NUBPL: variants seen among roughly 807,000 people sequenced by gnomAD.
NUBPL encodes the protein iron-sulfur cluster transfer protein NUBPL.
A neutral mutation model predicts 45.7 loss-of-function variants in NUBPL; 31 were observed. That is an observed-to-expected ratio of 0.68 (90% CI 0.51 to 0.92). The LOEUF is 0.92. NUBPL is among the 40% of genes least tolerant of loss of function. The pLI, the probability that NUBPL is intolerant of heterozygous loss-of-function variation, is 0.00. For missense variants in NUBPL, 401 were observed against 398.7 expected, an observed-to-expected ratio of 1.01 and a Z score of -0.05; for synonymous variants, 144 against 140.9, an observed-to-expected ratio of 1.02 and a Z score of -0.15.
Position 31,749,554 on chromosome 14 carries a change from G to T in NUBPL, c.514-38226G>T, listed in dbSNP as rs147368762. Among the ~76,000 whole-genome samples the T allele has an allele frequency of 2.3e-3, 353 of 152,270 alleles. 1 individual carries two copies. The highest frequency in any genetic ancestry group is 8.1e-3 in the African/African-American group (337 of 41,566). On this transcript the variant is annotated intron_variant, in intron 6 of 10. Coordinates refer to ENST00000281081, the MANE Select transcript of NUBPL (RefSeq NM_025152.3). ...TTCTGGTGGGTGAGCTTTCTTCTGAGAAATCTTCTGGTGGTTTAATGACAA... is the reference window on the plus strand; with the variant it reads ...TTCTGGTGGGTGAGCTTTCTTCTGATAAATCTTCTGGTGGTTTAATGACAA...
intron 10 of NUBPL, among the ~76,000 whole-genome samples, chr14:31,851,456 T>C (rs1318273594): frequency 6.6e-6 from 1 of 152,200 alleles, no homozygotes; most frequent in African/African-American, 2.4e-5. Flanking sequence ...ATCTGTTTTC[T>C]GCGTTTAGAG....
chr14:31,809,125 G>A (rs535536097), intron 7 of NUBPL, among the ~76,000 whole-genome samples: 1 of 152,276 alleles, frequency 6.6e-6, no homozygotes, highest in African/African-American at 2.4e-5. Flanking sequence ...GATGATGCTG[G>A]CCTCATAAAA....
At chr14:31,626,466 A>T (rs1398313068) in intron 4 of NUBPL, among the ~76,000 whole-genome samples, 1 of 152,190 alleles carries the variant, frequency 6.6e-6, no homozygotes, top group Non-Finnish European at 1.5e-5. Flanking sequence ...AATGTGCCTC[A>T]CAGACATATA....
At chr14:31,692,797 G>GA (rs1023679452) in intron 6 of NUBPL, among the ~76,000 whole-genome samples, 10 of 152,120 alleles carry the variant, frequency 6.6e-5, no homozygotes, top group South Asian at 6.2e-4. Flanking sequence ...TGTATAAAAT[G>GA]AAAAAAAGAA....
chr14:31,708,333 C>G (rs939970481), intron 6 of NUBPL, among the ~76,000 whole-genome samples: 4 of 152,134 alleles, frequency 2.6e-5, no homozygotes, highest in African/African-American at 9.7e-5. Context: ...GTCTTTTAGC[C>G]TGATTTGGAC....
rs533770831 is a variant in NUBPL at position 31,842,297 on chromosome 14, C to T, written c.694-4174C>T. Among the ~76,000 whole-genome samples, 36 of 151,644 alleles carry T rather than the reference C, an allele frequency of 2.4e-4. 1 individual carries two copies. The highest frequency in any genetic ancestry group is 6.8e-4 in the African/African-American group (28 of 41,334). Reference sequence around the variant, plus strand: ...CAAGCAAAGTGGTATATGTGTGGGACGTTCTTAAGATGAGGAAATTCTAGA... The same window carrying T: ...CAAGCAAAGTGGTATATGTGTGGGATGTTCTTAAGATGAGGAAATTCTAGA... On this transcript the variant is annotated intron_variant, in intron 8 of 10. Coordinates refer to ENST00000281081, the MANE Select transcript of NUBPL (RefSeq NM_025152.3).
chr14:31,712,300 A>G (rs2037591605), intron 6 of NUBPL, among the ~76,000 whole-genome samples: 1 of 152,222 alleles, frequency 6.6e-6, no homozygotes, highest in African/African-American at 2.4e-5. Context: ...CACCCAACCC[A>G]GAAGCCCAGA....
chr14:31,694,704 CG>C (rs1263228611), intron 6 of NUBPL, among the ~76,000 whole-genome samples: 2 of 152,044 alleles, frequency 1.3e-5, no homozygotes, highest in Non-Finnish European at 2.9e-5. Flanking sequence ...TTAGTAGAGA[CG>C]GGGTTTCACC....
chr14:31,578,449 A>C (rs1273580715), intron 3 of NUBPL, among the ~76,000 whole-genome samples: 1 of 152,144 alleles, frequency 6.6e-6, no homozygotes, highest in Non-Finnish European at 1.5e-5. Flanking sequence ...GGAATGTGTG[A>C]TGGTTCACTT....
intron 4 of NUBPL, among the ~76,000 whole-genome samples, chr14:31,640,537 C>T (rs1021454048): frequency 6.6e-6 from 1 of 150,698 alleles, no homozygotes; most frequent in Non-Finnish European, 1.5e-5. Flanking sequence ...ATAACTTGAA[C>T]CTGGGAGGTG....
At chr14:31,585,843 T>C (rs897476413) in intron 3 of NUBPL, among the ~76,000 whole-genome samples, 12 of 152,220 alleles carry the variant, frequency 7.9e-5, no homozygotes, top group Non-Finnish European at 1.8e-4. Context: ...CTGGCTGACA[T>C]AGAATTTAAG....
chr14:31,643,627 T>G (rs1288325708), intron 4 of NUBPL, among the ~76,000 whole-genome samples: 1 of 152,152 alleles, frequency 6.6e-6, no homozygotes, highest in African/African-American at 2.4e-5. Context: ...GTTGTGTTCT[T>G]GTTTTATTTT....
At chr14:31,635,492 G>A (rs1240068591) in intron 4 of NUBPL, among the ~76,000 whole-genome samples, 5 of 151,926 alleles carry the variant, frequency 3.3e-5, no homozygotes, top group East Asian at 1.9e-4. Flanking sequence ...GGTTACTGTA[G>A]CCTTGTAGTA....
At position 31,820,176 on chromosome 14, in the gene NUBPL, G is replaced by GA. The variant is rs1380364175; in HGVS notation, c.608-6452dup. Among the ~76,000 whole-genome samples the GA allele has an allele frequency of 2.7e-5, 4 of 150,808 alleles. No homozygotes were observed. The East Asian group carries it at 7.8e-4, about 29-fold the overall frequency. On this transcript the variant is annotated intron_variant, in intron 7 of 10. Coordinates refer to ENST00000281081, the MANE Select transcript of NUBPL (RefSeq NM_025152.3). Reference sequence around the variant, plus strand: ...AAAGAAAAAGAAAAAAATATTGATAGAGAATTCTTGATGGGCTTCTTGAGA... The same window carrying GA: ...AAAGAAAAAGAAAAAAATATTGATAGAAGAATTCTTGATGGGCTTCTTGAGA...
intron 6 of NUBPL, among the ~76,000 whole-genome samples, chr14:31,689,141 G>A (rs1426362320): frequency 6.6e-6 from 1 of 152,096 alleles, no homozygotes; most frequent in African/African-American, 2.4e-5. Flanking sequence ...AAGTGCATGT[G>A]TCTTTATGGT....
At chr14:31,632,552 G>T (rs1311866172) in intron 4 of NUBPL, among the ~76,000 whole-genome samples, 1 of 152,122 alleles carries the variant, frequency 6.6e-6, no homozygotes, top group Non-Finnish European at 1.5e-5. Flanking sequence ...TTAGAAACAG[G>T]TGTTTCAAGA....
intron 4 of NUBPL, among the ~76,000 whole-genome samples, chr14:31,639,491 A>AC (rs1221594571): frequency 6.6e-6 from 1 of 152,064 alleles, no homozygotes; most frequent in Non-Finnish European, 1.5e-5. Context: ...GTCTGCCCCT[A>AC]CTGGGGGGTG....
Position 31,859,627 on chromosome 14 carries a change from G to T in NUBPL, c.*447G>T. ...CTGTCTTTGGTACTGTCTTGGACAT[G>T]TTCTTAATATGAACCTCTGCTTCTT... On this transcript the variant is annotated 3_prime_UTR_variant, in exon 11 of 11. Transcript: ENST00000281081. 1 of 237,148 alleles carries T rather than the reference G, an allele frequency of 4.2e-6. No individual in the cohort carries two copies. The highest frequency in any genetic ancestry group is 8.3e-6 in the Non-Finnish European group (1 of 120,076). 14.7% of individuals were successfully genotyped at this position (237,148 alleles called of 1,614,324 possible). A position where few individuals can be genotyped will look rare whatever the true frequency, so the allele number is the denominator to read the frequency against.
At chr14:31,706,596 T>A (rs1465253719) in intron 6 of NUBPL, among the ~76,000 whole-genome samples, 4 of 152,146 alleles carry the variant, frequency 2.6e-5, no homozygotes, top group Non-Finnish European at 2.9e-5. Flanking sequence ...TATCCCTTAC[T>A]GGTTAGTGTA....
Sources: allele counts gnomAD v4.1 joint callset (sites outside exome capture counted in the v4.1 genomes callset), GRCh38; gene constraint gnomAD v4.1.1; transcripts MANE v1.5; gene names NCBI Gene and HGNC (gene_info 2026-07-23, HGNC 2026-07-21).